Variants in TXNDC11 observed in about 807,000 individuals in gnomAD.
TXNDC11 encodes thioredoxin domain-containing protein 11.
Under a neutral mutation model 78.0 loss-of-function variants are expected in TXNDC11, and 68 were observed. That is an observed-to-expected ratio of 0.87 (90% confidence interval 0.72 to 1.07). TXNDC11 has a LOEUF of 1.07. Among genes scored for constraint, TXNDC11 ranks in the 50% least tolerant of loss-of-function variants. The probability of loss-of-function intolerance (pLI) is 0.00; values close to 1 mark genes in which losing one functional copy is unlikely to be tolerated. For synonymous variants in TXNDC11, 571 were observed against 495.2 expected, an observed-to-expected ratio of 1.15 and a Z score of -2.03; for missense variants, 1,389 against 1,221.8, an observed-to-expected ratio of 1.14 and a Z score of -2.04.
In TXNDC11 at chr16:11,679,648, C is replaced by A; in HGVS notation, c.2424G>T (p.Gln808His). 6.2e-7 allele frequency: 1 copy of A among 1,614,238 alleles called. No individual in the cohort carries two copies. Among genetic ancestry groups the A allele is most frequent in the South Asian group, 1.1e-5 (1 of 91,088 alleles). The change falls in exon 12 of 12, where the codon CAG becomes CAT. Residue 808 changes from glutamine to histidine, a missense_variant. Physicochemically the swap from Gln to His is conservative, Grantham distance 24. Coordinates refer to ENST00000283033, the MANE Select transcript of TXNDC11 (RefSeq NM_015914.7). This position sits in a 1 kb window ranked among gnomAD's most constrained non-coding sequence, Gnocchi z 4.6. ...GHISHLEREI[Q>H]KLRAEISSLQ... ...GGCTGCTTATTTCTGCTCTCAGTTT[C>A]TGGATCTCTCTCTCCAAGTGGGAGA...
chr16:11,691,702 T>TA lies in TXNDC11; in HGVS notation c.1487dup (p.Leu496PhefsTer5). ...AGTAGCTGAAGGGGCTATAGGAAGT[T>TA]AAAAAATTGCTGCATTCTATGCTGT... On this transcript the variant is annotated frameshift_variant, in exon 8 of 12. Coordinates refer to ENST00000283033, the MANE Select transcript of TXNDC11 (RefSeq NM_015914.7). LOFTEE classifies it high-confidence loss of function. 3 of 1,614,178 alleles carry TA rather than the reference T, an allele frequency of 1.9e-6. No homozygotes were observed. Among genetic ancestry groups the TA allele is most frequent in the Non-Finnish European group, 2.5e-6 (3 of 1,180,038 alleles).
chr16:11,700,272 G>T (rs554282711), intron 6 of TXNDC11, among the ~76,000 whole-genome samples, 180 bp downstream of exon 6: 1 of 152,086 alleles, frequency 6.6e-6, no homozygotes, highest in East Asian at 1.9e-4. Context: ...TAATGCATGG[G>T]TTCTTAACCT....
Position 11,742,624 on chromosome 16 carries a change from C to T in TXNDC11, c.107G>A (p.Ser36Asn), listed in dbSNP as rs1387926041. 2 of 1,463,618 alleles carry T rather than the reference C, an allele frequency of 1.4e-6. No homozygotes were observed. Among genetic ancestry groups the T allele is most frequent in the Non-Finnish European group, 1.8e-6 (2 of 1,114,002 alleles). The allele number at this position is 1,463,618 out of a possible 1,614,324, so 90.7% of individuals were successfully genotyped here. Residue 36 changes from serine to asparagine, a missense_variant, in exon 1 of 12, where the codon AGC (serine) becomes AAC (asparagine). Ser to Asn is a conservative substitution (Grantham distance 46). Transcript: ENST00000283033. ...CGAGGACGCTGTGGCCAGGGTCGGGCTCGAGCTGAGGCAGTCTGAGCCCGC... is the reference window on the plus strand; with the variant it reads ...CGAGGACGCTGTGGCCAGGGTCGGGTTCGAGCTGAGGCAGTCTGAGCCCGC... ...GPAGSDCLSS[S>N]PTLATASSAG... is the part of the protein sequence containing the mutation.
At chr16:11,732,824 G>T (rs146310545) in intron 3 of TXNDC11, among the ~76,000 whole-genome samples, 2 of 152,228 alleles carry the variant, frequency 1.3e-5, no homozygotes, top group East Asian at 3.9e-4. Context: ...GTTTGTGCAT[G>T]TTTGCTATAA....
intron 5 of TXNDC11, among the ~76,000 whole-genome samples, chr16:11,714,165 T>C (rs2051452078): frequency 6.6e-6 from 1 of 151,976 alleles, no homozygotes; most frequent in African/African-American, 2.4e-5. Context: ...CCTCAGCCCC[T>C]AAGTAGCTGC....
chr16:11,707,051 G>T (rs1241440911), intron 5 of TXNDC11, among the ~76,000 whole-genome samples: 1 of 152,070 alleles, frequency 6.6e-6, no homozygotes, highest in Non-Finnish European at 1.5e-5. Flanking sequence ...GGGGATCCTA[G>T]AACTAATCCC....
chr16:11,691,614 C>A lies in TXNDC11; in HGVS notation c.1576G>T (p.Val526Phe). 1 of 1,614,194 alleles carries A rather than the reference C, an allele frequency of 6.2e-7. No individual in the cohort carries two copies. Among genetic ancestry groups the A allele is most frequent in the South Asian group, 1.1e-5 (1 of 91,090 alleles). Residue 526 changes from valine (V) to phenylalanine (F), a missense_variant, in exon 8 of 12, where the codon GTC (valine) becomes TTC (phenylalanine). Transcript: ENST00000283033. ...AATGCAACAGTAGGGGCTTCAAAGA[C>A]ACCTTGTTCAGAGTCGATGAAGCCT... Reference protein sequence around the residue: ...VSGFIDSEQGVFEAPTVAFSS... With the variant: ...VSGFIDSEQGFFEAPTVAFSS...
chr16:11,739,157 T>C (rs569534939), intron 1 of TXNDC11, among the ~76,000 whole-genome samples: 2 of 152,296 alleles, frequency 1.3e-5, no homozygotes, highest in East Asian at 3.8e-4. Flanking sequence ...CATTCCTAAA[T>C]GAGCCAGATA....
chr16:11,709,159 C>A (rs1226200027), intron 5 of TXNDC11, among the ~76,000 whole-genome samples: 1 of 151,468 alleles, frequency 6.6e-6, no homozygotes, highest in Non-Finnish European at 1.5e-5. Context: ...AAGCACAAAG[C>A]AATTATTTAG....
intron 5 of TXNDC11, among the ~76,000 whole-genome samples, chr16:11,700,830 A>G (rs964608972): frequency 2.0e-5 from 3 of 152,168 alleles, no homozygotes; most frequent in African/African-American, 4.8e-5. Context: ...GTGTCCACCT[A>G]TGATGGTCTG....
rs765759223 is a variant in TXNDC11, at chr16:11,721,649, C to G, written c.721G>C (p.Glu241Gln). ...GGAGGCTGGGGTGAGCCACTGAACT[C>G]AAAGTACCCGAGTACTCCAGGCTGC... The part of the protein sequence containing the change: ...NYEPGVLGYF[E>Q]FSGSPQPPGY... The change falls in exon 5 of 12, where the codon GAG (glutamate) becomes CAG (glutamine). Residue 241 changes from glutamate (E) to glutamine (Q), a missense_variant. Transcript: ENST00000283033. 8 of 1,611,680 alleles carry G rather than the reference C, an allele frequency of 5.0e-6. No homozygotes were observed. The Admixed American group carries it at 6.7e-5, about 13-fold the overall frequency.
intron 5 of TXNDC11, among the ~76,000 whole-genome samples, chr16:11,710,505 G>A (rs940696561): frequency 6.6e-6 from 1 of 152,184 alleles, no homozygotes; most frequent in Non-Finnish European, 1.5e-5. Context: ...GAAACCTGAA[G>A]GCCAGTGAGA....
At chr16:11,710,320 G>C (rs2051312028) in intron 5 of TXNDC11, among the ~76,000 whole-genome samples, 1 of 111,350 alleles carries the variant, frequency 9.0e-6, no homozygotes, top group African/African-American at 4.0e-5. Flanking sequence ...GAGTCAGCTA[G>C]ATGAGGTCTC....
intron 7 of TXNDC11, among the ~76,000 whole-genome samples, chr16:11,695,282 C>G (rs745864439): frequency 6.6e-6 from 1 of 151,968 alleles, no homozygotes; most frequent in Non-Finnish European, 1.5e-5. Flanking sequence ...GGGCTTGGTG[C>G]GGCCACCATA....
At chr16:11,697,485 C>CT (rs1341658176) in intron 7 of TXNDC11, among the ~76,000 whole-genome samples, 4 of 152,216 alleles carry the variant, frequency 2.6e-5, no homozygotes, top group Non-Finnish European at 5.9e-5. Flanking sequence ...AATGTGCCTG[C>CT]TGTCTCTGAG....
chr16:11,726,787 G>A (rs887417612), intron 4 of TXNDC11, among the ~76,000 whole-genome samples: 5 of 152,116 alleles, frequency 3.3e-5, no homozygotes, highest in African/African-American at 1.2e-4. Flanking sequence ...GGGCACAGTG[G>A]CTCACACCTG....
chr16:11,689,282 ACTCC>A (rs1387397460), intron 8 of TXNDC11, among the ~76,000 whole-genome samples: 3 of 151,760 alleles, frequency 2.0e-5, no homozygotes, highest in African/African-American at 7.3e-5. Flanking sequence ...CTTTCTTCTA[ACTCC>A]CTCCATTTTG....
At chr16:11,686,606 T>G (rs2050573475) in intron 10 of TXNDC11, among the ~76,000 whole-genome samples, 1 of 152,262 alleles carries the variant, frequency 6.6e-6, no homozygotes, top group Admixed American at 6.5e-5. Flanking sequence ...TTTTATTTTA[T>G]CAACACAAGA....
intron 7 of TXNDC11, among the ~76,000 whole-genome samples, chr16:11,697,329 T>C (rs1178960841): frequency 1.3e-5 from 2 of 152,250 alleles, no homozygotes; most frequent in East Asian, 3.9e-4. Flanking sequence ...AGCTGGCCAG[T>C]GGTACACTGG....
Sources: gnomAD v4.1 joint callset for allele counts (sites outside exome capture counted in the v4.1 genomes callset) on GRCh38, gnomAD v4.1.1 for gene constraint, Gnocchi (gnomAD v3.1) non-coding constraint, MANE v1.5 for transcripts, NCBI Gene and HGNC (gene_info 2026-07-23, HGNC 2026-07-21) for gene names.